ANKS1B: variants seen among roughly 807,000 people sequenced by gnomAD.
ANKS1B encodes ankyrin repeat and sterile alpha motif domain-containing protein 1B.
A neutral mutation model predicts 148.3 loss-of-function variants in ANKS1B; 36 were observed. That is an observed-to-expected ratio of 0.24 (90% CI 0.19 to 0.32). The LOEUF (loss-of-function observed/expected upper bound fraction) is 0.32, where lower values mean the gene tolerates loss of function less well. Ranked by LOEUF, ANKS1B falls within the 10% of genes least tolerant of loss-of-function variation. ANKS1B has a pLI of 1.00. For synonymous variants in ANKS1B, 542 were observed against 560.8 expected, an observed-to-expected ratio of 0.97 and a Z score of 0.47; for missense variants, 1,157 against 1,542.6, an observed-to-expected ratio of 0.75 and a Z score of 4.19.
At chr12:99,464,686 G>GT (rs1468012330) in intron 10 of ANKS1B, among the ~76,000 whole-genome samples, 1 of 152,164 alleles carries the variant, frequency 6.6e-6, no homozygotes, top group Non-Finnish European at 1.5e-5. Context: ...GGAACAAAGG[G>GT]TATCAGTGAT....
chr12:99,154,387 A>G lies in ANKS1B; in HGVS notation c.2428T>C (p.Cys810Arg). 6 of 1,613,772 alleles carry G rather than the reference A, an allele frequency of 3.7e-6. No homozygotes were observed. The highest frequency in any genetic ancestry group is 5.1e-6 in the Non-Finnish European group (6 of 1,179,746). The change falls in exon 15 of 27, where the codon TGC becomes CGC. Residue 810 changes from cysteine to arginine, a missense_variant. By Grantham distance (180) the Cys-to-Arg change is radical. Around this residue, in one of 6 missense-constraint regions of ANKS1B, gnomAD observed 661 missense variants for 642.1 expected, o/e 1.03. Transcript: ENST00000683438. ...CATTGTCCCACTGTTTGGACAGGGCATCTGGGTCCTGTAAGAGGATGAAGA... is the reference window on the plus strand; with the variant it reads ...CATTGTCCCACTGTTTGGACAGGGCGTCTGGGTCCTGTAAGAGGATGAAGA... ...EMNGETTRPR[C>R]PVQTVGQWLE...
intron 12 of ANKS1B, among the ~76,000 whole-genome samples, chr12:99,324,869 C>T (rs2086011336): frequency 6.6e-6 from 1 of 152,000 alleles, no homozygotes; most frequent in South Asian, 2.1e-4. Context: ...GGTCCTAACA[C>T]CAAACATTGA....
chr12:99,646,699 C>T (rs1397221421), intron 9 of ANKS1B, among the ~76,000 whole-genome samples: 2 of 141,270 alleles, frequency 1.4e-5, no homozygotes, highest in South Asian at 2.5e-4. Flanking sequence ...ATGGCTATGG[C>T]TCTGTGTGTG....
chr12:99,596,003 C>A (rs2097755765), intron 9 of ANKS1B, among the ~76,000 whole-genome samples: 1 of 151,858 alleles, frequency 6.6e-6, no homozygotes, highest in Non-Finnish European at 1.5e-5. Flanking sequence ...GGCTCCACAG[C>A]TAGCTATGAA....
At chr12:98,877,324 AC>A (rs2152462944) in intron 17 of ANKS1B, among the ~76,000 whole-genome samples, 1 of 152,342 alleles carries the variant, frequency 6.6e-6, no homozygotes, top group South Asian at 2.1e-4. Context: ...CTCCAAACGT[AC>A]TGCTGCCAAC....
chr12:99,962,363 C>G (rs1040410076), intron 1 of ANKS1B, among the ~76,000 whole-genome samples: 1 of 152,172 alleles, frequency 6.6e-6, no homozygotes, highest in Non-Finnish European at 1.5e-5. Flanking sequence ...CCATGTCCTG[C>G]AAAGGACATG....
At chr12:98,988,404 G>T (rs1323284493) in intron 17 of ANKS1B, among the ~76,000 whole-genome samples, 1 of 151,930 alleles carries the variant, frequency 6.6e-6, no homozygotes, top group Non-Finnish European at 1.5e-5. Context: ...TGTCCTTGAG[G>T]TTTATCCATG....
intron 16 of ANKS1B, among the ~76,000 whole-genome samples, chr12:99,077,879 A>G (rs527699066): frequency 3.2e-4 from 48 of 152,306 alleles, no homozygotes; most frequent in African/African-American, 1.2e-3. Flanking sequence ...ATAACCTGTG[A>G]TCTCATCATA....
chr12:99,309,155 T>TTCTTTTTGGTTGAA (rs1380053571), intron 12 of ANKS1B, among the ~76,000 whole-genome samples: 1 of 151,828 alleles, frequency 6.6e-6, no homozygotes, highest in African/African-American at 2.4e-5. Flanking sequence ...TTTCAACCAT[T>TTCTTTTTGGTTGAA]ATGCCTTGTA....
intron 12 of ANKS1B, among the ~76,000 whole-genome samples, chr12:99,273,535 G>A (rs1010862785): frequency 2.1e-5 from 3 of 143,320 alleles, no homozygotes; most frequent in East Asian, 4.1e-4. Context: ...ATTTGCAAAC[G>A]TTCTTAAAAC....
At chr12:99,653,337 A>C (rs1266558131) in intron 9 of ANKS1B, among the ~76,000 whole-genome samples, 1 of 152,208 alleles carries the variant, frequency 6.6e-6, no homozygotes, top group Admixed American at 6.5e-5. Flanking sequence ...TTTTTAAGAT[A>C]TAAGGCAAAG....
At chr12:98,897,724 T>G (rs2099766754) in intron 17 of ANKS1B, among the ~76,000 whole-genome samples, 1 of 152,152 alleles carries the variant, frequency 6.6e-6, no homozygotes, top group Admixed American at 6.6e-5. Context: ...GGGTATCTAC[T>G]CAAAGGAAAA....
rs147757513 is a variant in ANKS1B, at chr12:98,941,678, G to A, written c.2779-109542C>T. On this transcript the variant is annotated intron_variant, in intron 17 of 26. Transcript: ENST00000683438. ...AAATCTCAGGGCAAATCTGCCCCTC[G>A]TGGTAGCGGGACTATGGTGACATAA... Among the ~76,000 whole-genome samples, 56 of 152,346 alleles carry A rather than the reference G, an allele frequency of 3.7e-4. No individual in the cohort carries two copies. The East Asian group carries it at 9.8e-3, about 27-fold the overall frequency.
At chr12:99,642,017 C>A (rs1392686) in intron 9 of ANKS1B, among the ~76,000 whole-genome samples, 2 of 152,052 alleles carry the variant, frequency 1.3e-5, no homozygotes, top group African/African-American at 4.8e-5. Flanking sequence ...ACGTTAAGTG[C>A]TTATCACTGC....
chr12:99,389,085 C>T (rs757415344), intron 12 of ANKS1B, among the ~76,000 whole-genome samples: 2 of 152,174 alleles, frequency 1.3e-5, no homozygotes, highest in African/African-American at 4.8e-5. Flanking sequence ...AGGATCACAG[C>T]CTTCTTAGAA....
intron 12 of ANKS1B, among the ~76,000 whole-genome samples, chr12:99,282,447 G>C (rs1266743617): frequency 6.6e-6 from 1 of 152,136 alleles, no homozygotes; most frequent in Non-Finnish European, 1.5e-5. Context: ...TGGAGGGTTT[G>C]GGGGAGAGAT....
At chr12:99,598,453 C>G (rs1176920175) in intron 9 of ANKS1B, among the ~76,000 whole-genome samples, 1 of 152,108 alleles carries the variant, frequency 6.6e-6, no homozygotes, top group Non-Finnish European at 1.5e-5. Flanking sequence ...TTACTATCCT[C>G]ATTCTACAGA....
intron 16 of ANKS1B, among the ~76,000 whole-genome samples, chr12:99,059,648 A>T (rs1393572607): frequency 4.6e-5 from 7 of 151,992 alleles, no homozygotes; most frequent in Non-Finnish European, 1.0e-4. Context: ...CTATAAAATG[A>T]AGGTATTGGA....
At chr12:99,221,873 A>C (rs188483777) in intron 14 of ANKS1B, among the ~76,000 whole-genome samples, 2 of 152,322 alleles carry the variant, frequency 1.3e-5, no homozygotes, top group Admixed American at 1.3e-4. Flanking sequence ...AAGGTTATTC[A>C]TTGCAGCATT....
Sources: allele counts gnomAD v4.1 joint callset (sites outside exome capture counted in the v4.1 genomes callset), GRCh38; gene constraint gnomAD v4.1.1; regional missense constraint gnomAD v4.1.1; transcripts MANE v1.5; gene names NCBI Gene and HGNC (gene_info 2026-07-23, HGNC 2026-07-21).